SI: variants seen among roughly 807,000 people sequenced by gnomAD.
SI encodes sucrase-isomaltase, intestinal.
A neutral mutation model predicts 253.3 loss-of-function variants in SI; 235 were observed. The observed-to-expected ratio is 0.93, with a 90% CI of 0.83 to 1.03. The LOEUF (loss-of-function observed/expected upper bound fraction) is 1.03, where lower values mean the gene tolerates loss of function less well. SI is among the 50% of genes least tolerant of loss of function. The pLI is 0.00. For synonymous variants in SI, 819 were observed against 712.0 expected, an observed-to-expected ratio of 1.15 and a Z score of -2.39; for missense variants, 2,442 against 2,211.1, an observed-to-expected ratio of 1.10 and a Z score of -2.09.
intron 25 of SI, among the ~76,000 whole-genome samples, chr3:165,024,101 A>G (rs1012820624): frequency 2.6e-5 from 4 of 151,432 alleles, no homozygotes; most frequent in Admixed American, 1.3e-4. Context: ...TTTTGATTCC[A>G]TGTTTGTTCT....
intron 22 of SI, among the ~76,000 whole-genome samples, chr3:165,034,691 TGG>T (rs1436736636): frequency 1.3e-5 from 2 of 152,124 alleles, no homozygotes; most frequent in Non-Finnish European, 2.9e-5. Flanking sequence ...TGTGTGTGTG[TGG>T]GTGCGTGTAT....
Position 165,046,826 on chromosome 3 carries a change from A to G in SI, c.1887+15T>C. On this transcript the variant is annotated intron_variant, in intron 16 of 47. Coordinates refer to ENST00000264382, the MANE Select transcript of SI (RefSeq NM_001041.4). Reference sequence around the variant, plus strand: ...TTGTAGCTTTTATGAGTAACACTCTATGAAACTGTCTTACCAAAGGTATTC... The same window carrying G: ...TTGTAGCTTTTATGAGTAACACTCTGTGAAACTGTCTTACCAAAGGTATTC... 6.3e-7 allele frequency: 1 copy of G among 1,598,916 alleles called. No homozygotes were observed. The highest frequency in any genetic ancestry group is 8.6e-7 in the Non-Finnish European group (1 of 1,166,682).
Position 165,017,689 on chromosome 3 carries a change from A to G in SI, c.3634-16T>C. On this transcript the variant is annotated splice_polypyrimidine_tract_variant and intron_variant, in intron 30 of 47. Coordinates refer to ENST00000264382, the MANE Select transcript of SI (RefSeq NM_001041.4). ...GGCCAATTACCTTTAAAAAAAATTC[A>G]TGTGTGAACTAAGAGAATTACTTTA... is the stretch of plus-strand genomic sequence containing the variant. 6.2e-7 allele frequency: 1 copy of G among 1,611,662 alleles called. No homozygotes were observed. Among genetic ancestry groups the G allele is most frequent in the Non-Finnish European group, 8.5e-7 (1 of 1,178,270 alleles).
chr3:165,058,061 T>TAA (rs76208435), intron 12 of SI, among the ~76,000 whole-genome samples: 83,272 of 151,192 alleles, frequency 0.55, 23,546 homozygotes, highest in East Asian at 0.79. Context: ...TATTTTTTTT[T>TAA]AAAAAATTGA....
At chr3:165,038,093 A>T in intron 20 of SI, 69 bp from the exon 21 acceptor site, 1 of 1,404,670 alleles carries the variant, frequency 7.1e-7, no homozygotes, top group Non-Finnish European at 1.0e-6. Context: ...CACAAGAATT[A>T]AAAGGCATTT....
chr3:165,030,549 A>G (rs1712174863), intron 25 of SI, among the ~76,000 whole-genome samples, 163 bp downstream of exon 25: 2 of 151,008 alleles, frequency 1.3e-5, no homozygotes, highest in African/African-American at 4.8e-5. Context: ...ATTAATTAAG[A>G]TAAAAGTGAA....
rs752719868 is a variant in SI, at chr3:164,998,544, G to C, written c.4536C>G (p.Ile1512Met). ...YARWDNMDKS[I>M]IGMMEFSLFG... is the part of the protein sequence containing the mutation. ...AAGATGGTGACTTTCACTTACCAATGATTGATTTGTCCATGTTGTCCCATC... is the reference window on the plus strand; with the variant it reads ...AAGATGGTGACTTTCACTTACCAATCATTGATTTGTCCATGTTGTCCCATC... The change falls in exon 38 of 48, where the codon ATC becomes ATG. Residue 1512 changes from isoleucine to methionine, a missense_variant. Coordinates refer to ENST00000264382, the MANE Select transcript of SI (RefSeq NM_001041.4). 1 of 1,611,896 alleles carries C rather than the reference G, an allele frequency of 6.2e-7. No individual in the cohort carries two copies. Among genetic ancestry groups the C allele is most frequent in the Non-Finnish European group, 8.5e-7 (1 of 1,178,504 alleles).
intron 40 of SI, among the ~76,000 whole-genome samples, chr3:164,995,826 T>C (rs1717983333): frequency 6.6e-6 from 1 of 151,806 alleles, no homozygotes; most frequent in Non-Finnish European, 1.5e-5. Context: ...TATAAAATGG[T>C]CTATTATTTA....
intron 15 of SI, among the ~76,000 whole-genome samples, chr3:165,047,867 T>G (rs2108229872): frequency 6.6e-6 from 1 of 152,094 alleles, no homozygotes; most frequent in Non-Finnish European, 1.5e-5. Context: ...TTCTAGAAGT[T>G]AACCACTGTC....
chr3:165,036,829 C>T (rs1712559066), intron 21 of SI, among the ~76,000 whole-genome samples: 1 of 150,870 alleles, frequency 6.6e-6, no homozygotes, highest in Admixed American at 6.6e-5. Flanking sequence ...CCTGTGTAAT[C>T]CTAAATCTCA....
At chr3:165,054,382 C>A (rs927581912) in intron 13 of SI, among the ~76,000 whole-genome samples, 1 of 150,976 alleles carries the variant, frequency 6.6e-6, no homozygotes, top group South Asian at 2.1e-4. Context: ...ATTTTTTTTT[C>A]TTTTCTGAGA....
rs73880012 is a variant in SI, at chr3:165,074,231, A to G, written c.255+300T>C. Among the ~76,000 whole-genome samples the G allele has an allele frequency of 4.1e-3, 618 of 152,166 alleles. 4 individuals are homozygous for G. The highest frequency in any genetic ancestry group is 0.014 in the African/African-American group (584 of 41,580). On this transcript the variant is annotated intron_variant, in intron 3 of 47. Transcript: ENST00000264382. The stretch of plus-strand genomic sequence containing the variant: ...AAATGTTCTATATTATCAAAGGTAT[A>G]CTTTCTTAAAGAAGTAGATTTGAGA...
At position 165,032,544 on chromosome 3, in the gene SI, A is replaced by C. The variant is rs200768342; in HGVS notation, c.2714T>G (p.Phe905Cys). Residue 905 changes from phenylalanine to cysteine, a missense_variant, in exon 24 of 48, where the codon TTC becomes TGC. Transcript: ENST00000264382. ...NNQPMNAHSN[F>C]TYDASNQVLL... is the part of the protein sequence containing the mutation. ...TACCTGGTTAGAAGCATCATAAGTG[A>C]AATTGGAATGAGCGTTCATTGGTTG... is the stretch of plus-strand genomic sequence containing the variant. The C allele has an allele frequency of 7.3e-5, 117 of 1,607,754 alleles. No individual in the cohort carries two copies. In the Middle Eastern group the frequency reaches 1.5e-3, roughly 20 times the overall value.
chr3:164,997,661 G>C (rs1718071484), intron 38 of SI, among the ~76,000 whole-genome samples: 1 of 151,486 alleles, frequency 6.6e-6, no homozygotes, highest in African/African-American at 2.4e-5. Context: ...CTTCATATAG[G>C]CCCTGGTGTC....
At chr3:165,066,609 C>A (rs987002260) in intron 6 of SI, among the ~76,000 whole-genome samples, 6 of 151,862 alleles carry the variant, frequency 4.0e-5, no homozygotes, top group Admixed American at 6.6e-5. Context: ...CTCTGGAAAC[C>A]ATAATCCTAC....
chr3:165,089,097 T>A, the SI span, among the ~76,000 whole-genome samples: 10 of 148,674 alleles, frequency 6.7e-5, no homozygotes, highest in Admixed American at 3.4e-4. Flanking sequence ...CTTTTTTTTT[T>A]AATTAAATTG....
rs746883962 is a variant in SI at position 165,055,288 on chromosome 3, A to G, written c.1418T>C (p.Val473Ala). 4 of 1,599,970 alleles carry G rather than the reference A, an allele frequency of 2.5e-6. No individual in the cohort carries two copies. The highest frequency in any genetic ancestry group is 1.1e-5 in the South Asian group (1 of 90,810). ...IIGEVWPGLT[V>A]YPDFTNPNCI... ...GTTTGGGTTAGTGAAATCAGGGTAT[A>G]CTGTTAATCCTGGCCATACCTAGAA... The change falls in exon 13 of 48, where the codon GTA becomes GCA. Residue 473 changes from valine to alanine, a missense_variant. Val to Ala is a moderately conservative substitution (Grantham distance 64, BLOSUM62 0). Coordinates refer to ENST00000264382, the MANE Select transcript of SI (RefSeq NM_001041.4).
the SI span, among the ~76,000 whole-genome samples, chr3:165,083,510 C>T: frequency 6.6e-6 from 1 of 151,904 alleles, no homozygotes; most frequent in African/African-American, 2.4e-5. Flanking sequence ...CCTGTCTACC[C>T]TAGATCGTTC....
Position 165,068,794 on chromosome 3 carries a change from T to G in SI, c.411A>C (p.Thr137=). ...EAKLNRIPSP[T]LFGNDINSVL... ...CACTGTTGATGTCATTTCCAAATAG[T>G]GTAGGTGAAGGTATCCTGTTTAATT... The change falls in exon 5 of 48, where the codon ACA becomes ACC. Residue 137 remains threonine (T), a synonymous_variant. Transcript: ENST00000264382. The G allele has an allele frequency of 6.2e-7, 1 of 1,613,696 alleles. No individual in the cohort carries two copies. Among genetic ancestry groups the G allele is most frequent in the Non-Finnish European group, 8.5e-7 (1 of 1,179,796 alleles).
Sources: allele counts gnomAD v4.1 joint callset (sites outside exome capture counted in the v4.1 genomes callset), GRCh38; gene constraint gnomAD v4.1.1; transcripts MANE v1.5; gene names NCBI Gene and HGNC (gene_info 2026-07-23, HGNC 2026-07-21).